Variants in SNX29 observed in about 807,000 individuals in gnomAD.
SNX29 encodes sorting nexin 29.
In SNX29, 78 loss-of-function variants were observed where a neutral mutation model predicts 102.1. That is an observed-to-expected ratio of 0.76 (90% confidence interval 0.64 to 0.92). SNX29 has a LOEUF of 0.92. Ranked by LOEUF, SNX29 falls within the 40% of genes least tolerant of loss-of-function variation. The pLI is 0.00. For missense variants in SNX29, 1,280 were observed against 1,061.7 expected (o/e 1.21, Z -2.86); for synonymous variants, 580 against 414.5 (o/e 1.40, Z -4.85).
chr16:12,431,804 C>G (rs561795582), intron 18 of SNX29, among the ~76,000 whole-genome samples: 1 of 152,354 alleles, frequency 6.6e-6, no homozygotes, highest in South Asian at 2.1e-4. Flanking sequence ...GGGTAATGCT[C>G]ACGACATAGC....
intron 10 of SNX29, among the ~76,000 whole-genome samples, chr16:12,072,323 T>C (rs1046094884): frequency 1.3e-4 from 20 of 152,208 alleles, no homozygotes; most frequent in African/African-American, 4.8e-4. Flanking sequence ...ATAGCTCTTA[T>C]TATTTTGAGA....
At chr16:12,504,094 C>T (rs547581177) in intron 19 of SNX29, among the ~76,000 whole-genome samples, 2 of 152,310 alleles carry the variant, frequency 1.3e-5, no homozygotes, top group East Asian at 3.9e-4. Flanking sequence ...AACCACTCAT[C>T]TGTTTTCTGC....
At chr16:12,547,915 G>T (rs551212873) in intron 20 of SNX29, among the ~76,000 whole-genome samples, 2 of 152,104 alleles carry the variant, frequency 1.3e-5, no homozygotes, top group Non-Finnish European at 2.9e-5. Flanking sequence ...TGCTCTTAGG[G>T]GTTCAGGGAT....
intron 13 of SNX29, among the ~76,000 whole-genome samples, chr16:12,179,188 A>G (rs796671087): frequency 3.3e-5 from 5 of 152,354 alleles, no homozygotes; most frequent in African/African-American, 1.2e-4. Context: ...AACATATAAA[A>G]ATATTGGCTT....
In SNX29 at chr16:12,571,831, TAGC is replaced by T. The variant is rs1165982946; in HGVS notation, c.*3205_*3207del. ...AATTCCAGCTTCTTTGATTCCCACT[TAGC>T]AGTATGCTCCAATCACGTTGCTGGC... On this transcript the variant is annotated 3_prime_UTR_variant, in exon 21 of 21. Coordinates refer to ENST00000566228, the MANE Select transcript of SNX29 (RefSeq NM_032167.5). The T allele has an allele frequency of 1.9e-6, 2 of 1,044,466 alleles. No homozygotes were observed. Among genetic ancestry groups the T allele is most frequent in the Non-Finnish European group, 2.3e-6 (2 of 861,638 alleles). The allele number at this position is 1,044,466 out of a possible 1,614,324, so 64.7% of individuals were successfully genotyped here. A position where few individuals can be genotyped will look rare whatever the true frequency, so the allele number is the denominator to read the frequency against.
chr16:12,190,042 C>T (rs1356182680), intron 13 of SNX29, among the ~76,000 whole-genome samples: 1 of 152,100 alleles, frequency 6.6e-6, no homozygotes, highest in Non-Finnish European at 1.5e-5. Context: ...TTGATCCATC[C>T]CCTTGTAAGT....
Position 12,572,673 on chromosome 16 carries a change from C to G in SNX29, c.*4044C>G. On this transcript the variant is annotated 3_prime_UTR_variant, in exon 21 of 21. Transcript: ENST00000566228. The stretch of plus-strand genomic sequence containing the variant: ...GCTCCTGTGTGAGCTGCAGCACCCA[C>G]ACGGGGGAAGCCCTGCACTCCAGCA... 9.4e-7 allele frequency: 1 copy of G among 1,063,724 alleles called. No homozygotes were observed. The highest frequency in any genetic ancestry group is 1.1e-6 in the Non-Finnish European group (1 of 878,304). The allele number at this position is 1,063,724 out of a possible 1,614,324, so 65.9% of individuals were successfully genotyped here.
At chr16:12,554,532 G>A (rs192084390) in intron 20 of SNX29, among the ~76,000 whole-genome samples, 5 of 152,104 alleles carry the variant, frequency 3.3e-5, no homozygotes, top group African/African-American at 1.2e-4. Flanking sequence ...GAACATTCTC[G>A]CCCACGTTTT....
chr16:12,392,125 C>A (rs1207712199), intron 16 of SNX29, among the ~76,000 whole-genome samples: 1 of 152,186 alleles, frequency 6.6e-6, no homozygotes, highest in African/African-American at 2.4e-5. Context: ...TCACCTGACA[C>A]TTTGTTTTGT....
intron 13 of SNX29, among the ~76,000 whole-genome samples, chr16:12,136,653 G>A (rs1200615684): frequency 6.6e-6 from 1 of 152,214 alleles, no homozygotes; most frequent in African/African-American, 2.4e-5. Context: ...GATGGCCTCT[G>A]GTAGCACTGA....
At chr16:12,463,817 AGTGTGTGTGTGTGTGT>A (rs143006476) in intron 18 of SNX29, among the ~76,000 whole-genome samples, 1 of 143,270 alleles carries the variant, frequency 7.0e-6, no homozygotes, top group Non-Finnish European at 1.5e-5. Flanking sequence ...TCCCGAAGTG[AGTGTGTGTGTGTGTGT>A]GTGTGTGTGT....
chr16:12,423,632 G>A (rs547892181), intron 18 of SNX29, among the ~76,000 whole-genome samples: 71 of 152,210 alleles, frequency 4.7e-4, no homozygotes, highest in African/African-American at 1.6e-3. Flanking sequence ...GTGCAGTGGC[G>A]CCATCTTGGC....
intron 20 of SNX29, among the ~76,000 whole-genome samples, chr16:12,548,114 C>T (rs771587004): frequency 3.9e-5 from 6 of 152,222 alleles, no homozygotes; most frequent in Non-Finnish European, 5.9e-5. Flanking sequence ...AGGTCTATTT[C>T]TTGGGACAAG....
In SNX29 at chr16:12,151,219, G is replaced by C. The variant is rs550520980; in HGVS notation, c.1595+21461G>C. On this transcript the variant is annotated intron_variant, in intron 13 of 20. Transcript: ENST00000566228. The stretch of plus-strand genomic sequence containing the variant: ...TTTGTTTTTTGCTTAACAACTTACA[G>C]CAAGTCCTAGATGTTACATCAGCTA... Among the ~76,000 whole-genome samples, 608 of 152,184 alleles carry C rather than the reference G, an allele frequency of 4.0e-3. 5 individuals carry two copies. The highest frequency in any genetic ancestry group is 9.5e-3 in the South Asian group (46 of 4,820).
intron 13 of SNX29, among the ~76,000 whole-genome samples, chr16:12,135,383 C>A (rs967593596): frequency 1.3e-5 from 2 of 152,232 alleles, no homozygotes; most frequent in Non-Finnish European, 2.9e-5. Flanking sequence ...GCCCTCTGCC[C>A]CTACAGGGCT....
chr16:12,282,918 A>G (rs2079481153), intron 15 of SNX29, among the ~76,000 whole-genome samples: 3 of 152,210 alleles, frequency 2.0e-5, no homozygotes, highest in Admixed American at 6.5e-5. Context: ...TGGCCTCTCA[A>G]AGTGCTGGGA....
chr16:12,489,386 C>G (rs2088421598), intron 19 of SNX29, among the ~76,000 whole-genome samples: 1 of 152,186 alleles, frequency 6.6e-6, no homozygotes, highest in Admixed American at 6.5e-5. Context: ...AATCCTCTCC[C>G]TTTCTCTCGT....
chr16:12,203,427 G>A (rs1362318431), intron 14 of SNX29, among the ~76,000 whole-genome samples: 1 of 151,808 alleles, frequency 6.6e-6, no homozygotes, highest in Admixed American at 6.6e-5. Flanking sequence ...TGGTGGCATT[G>A]GAGGTGACGT....
chr16:12,227,495 T>C (rs1474648981), intron 14 of SNX29, among the ~76,000 whole-genome samples: 1 of 152,230 alleles, frequency 6.6e-6, no homozygotes, highest in Non-Finnish European at 1.5e-5. Context: ...AACTCAATTC[T>C]GTCAACATTT....
Sources: allele counts gnomAD v4.1 joint callset (sites outside exome capture counted in the v4.1 genomes callset), GRCh38; gene constraint gnomAD v4.1.1; transcripts MANE v1.5; gene names NCBI Gene and HGNC (gene_info 2026-07-23, HGNC 2026-07-21).